Variants in IL17B observed in about 807,000 individuals in gnomAD.
IL17B encodes interleukin-17B.
Under a neutral mutation model 14.7 loss-of-function variants are expected in IL17B, and 14 were observed. The observed-to-expected ratio is 0.95, with a 90% CI of 0.63 to 1.49. The LOEUF is 1.49. IL17B is among the 40% of genes most tolerant of loss of function. IL17B has a pLI of 0.00. For missense variants in IL17B, 233 were observed against 252.8 expected, an observed-to-expected ratio of 0.92 and a Z score of 0.53; for synonymous variants, 105 against 94.8, an observed-to-expected ratio of 1.11 and a Z score of -0.62.
intron 1 of IL17B, among the ~76,000 whole-genome samples, chr5:149,391,593 C>T (rs992986957): frequency 1.3e-5 from 2 of 152,198 alleles, no homozygotes; most frequent in Non-Finnish European, 2.9e-5. Flanking sequence ...ATTTGGGCTC[C>T]TGTCTCTGAG....
chr5:149,390,217 A>ACCCCCC (rs369377689), intron 1 of IL17B, among the ~76,000 whole-genome samples: 2 of 130,704 alleles, frequency 1.5e-5, no homozygotes, highest in Non-Finnish European at 3.4e-5. Context: ...GGTATTAGTG[A>ACCCCCC]CCCCCCCCCT....
At chr5:149,401,064 T>C (rs1224507465) in intron 1 of IL17B, among the ~76,000 whole-genome samples, 1 of 152,230 alleles carries the variant, frequency 6.6e-6, no homozygotes, top group African/African-American at 2.4e-5. Flanking sequence ...GGGCATCCCA[T>C]AGCCCAATCA....
At chr5:149,391,689 A>C (rs1758967865) in intron 1 of IL17B, among the ~76,000 whole-genome samples, 2 of 152,140 alleles carry the variant, frequency 1.3e-5, no homozygotes, top group South Asian at 4.1e-4. Flanking sequence ...GCAATTCTGG[A>C]AGCATGGCAG....
chr5:149,377,210 C>A (rs1031814254), intron 1 of IL17B, among the ~76,000 whole-genome samples, 185 bp from the exon 2 acceptor site: 2 of 152,196 alleles, frequency 1.3e-5, no homozygotes, highest in Non-Finnish European at 2.9e-5. Context: ...TGTGTTCCAG[C>A]CTCTGGTCTT....
chr5:149,403,661 T>C (rs559267570), intron 1 of IL17B, among the ~76,000 whole-genome samples: 4 of 152,230 alleles, frequency 2.6e-5, no homozygotes, highest in African/African-American at 9.6e-5. Flanking sequence ...GGGTTGGAGA[T>C]TAGGGACAGG....
intron 1 of IL17B, among the ~76,000 whole-genome samples, chr5:149,399,563 C>A (rs981058624): frequency 6.6e-6 from 1 of 151,874 alleles, no homozygotes; most frequent in Non-Finnish European, 1.5e-5. Context: ...AACAAATTTA[C>A]GAAGTTAGTT....
chr5:149,402,798 T>C (rs1759234863), intron 1 of IL17B, among the ~76,000 whole-genome samples: 1 of 150,870 alleles, frequency 6.6e-6, no homozygotes, highest in Non-Finnish European at 1.5e-5. Flanking sequence ...GGTCAGGAGA[T>C]CAAGACCATC....
At chr5:149,393,913 C>G (rs368136889) in intron 1 of IL17B, among the ~76,000 whole-genome samples, 4 of 152,162 alleles carry the variant, frequency 2.6e-5, no homozygotes, top group Non-Finnish European at 5.9e-5. Context: ...GATCATAATC[C>G]TGCAAGACAC....
chr5:149,391,965 C>T (rs1758977835), intron 1 of IL17B, among the ~76,000 whole-genome samples: 1 of 152,196 alleles, frequency 6.6e-6, no homozygotes, highest in Non-Finnish European at 1.5e-5. Flanking sequence ...TGCCCTCTTC[C>T]CCAGCTTCTC....
intron 1 of IL17B, among the ~76,000 whole-genome samples, chr5:149,397,119 T>C (rs1349805203): frequency 6.6e-6 from 1 of 152,248 alleles, no homozygotes; most frequent in Non-Finnish European, 1.5e-5. Flanking sequence ...TACTCGGCCA[T>C]TGCAATTAAG....
In IL17B at chr5:149,374,408, G is replaced by C; in HGVS notation, c.504C>G (p.Val168=). The C allele has an allele frequency of 3.1e-6, 5 of 1,601,914 alleles. No individual in the cohort carries two copies. In the South Asian group the frequency reaches 5.5e-5, roughly 18 times the overall value. ...TGCAGCCCACAGCGATGGTCTCCAT[G>C]ACTGCGCGCTGGCGGCAAGGCCCTG... ...PRTGPCRQRA[V]METIAVGCTC... is the part of the protein sequence containing the mutation. Residue 168 remains valine (V), a synonymous_variant, in exon 3 of 3, where the codon GTC becomes GTG. Transcript: ENST00000261796. The surrounding 1 kb of genome is among the most constrained non-coding windows in gnomAD (Gnocchi z 5.0).
In IL17B at chr5:149,399,774, C is replaced by T. The variant is rs572169218; in HGVS notation, n.95+4334G>A. 9.9e-4 allele frequency among the ~76,000 whole-genome samples: 151 copies of T among 152,234 alleles called. 1 individual carries two copies. Among genetic ancestry groups the T allele is most frequent in the African/African-American group, 3.4e-3 (142 of 41,528 alleles). Reference sequence around the variant, plus strand: ...GAGGACAGTGTTGTTTCTAATACCCCAGGTGCATGTGCTCAGTGGCAGGAA... The same window carrying T: ...GAGGACAGTGTTGTTTCTAATACCCTAGGTGCATGTGCTCAGTGGCAGGAA... On this transcript the variant is annotated intron_variant and non_coding_transcript_variant, in intron 1 of 2. Coordinates refer to the IL17B transcript ENST00000505432.
chr5:149,402,786 A>G lies in IL17B; in HGVS notation n.95+1322T>C, dbSNP rs1429520095. Among the ~76,000 whole-genome samples, 6 of 151,256 alleles carry G rather than the reference A, an allele frequency of 4.0e-5. No individual in the cohort carries two copies. The East Asian group carries it at 9.7e-4, about 24-fold the overall frequency. On this transcript the variant is annotated intron_variant and non_coding_transcript_variant, in intron 1 of 2. Coordinates refer to the IL17B transcript ENST00000505432. The stretch of plus-strand genomic sequence containing the variant: ...TGAGAGGCCGAGGCGGGCGGATCAC[A>G]AGGTCAGGAGATCAAGACCATCCTG...
intron 1 of IL17B, among the ~76,000 whole-genome samples, chr5:149,390,622 C>CAG (rs1328626777): frequency 2.7e-5 from 4 of 145,562 alleles, no homozygotes; most frequent in African/African-American, 1.1e-4. Context: ...CACACACACA[C>CAG]ACACACACAG....
chr5:149,392,421 A>G (rs959203668), intron 1 of IL17B, among the ~76,000 whole-genome samples: 2 of 152,262 alleles, frequency 1.3e-5, no homozygotes, highest in Non-Finnish European at 2.9e-5. Context: ...CCGCTGTAGA[A>G]TGATACACTC....
intron 1 of IL17B, among the ~76,000 whole-genome samples, chr5:149,384,580 C>T (rs1185121784): frequency 6.6e-6 from 1 of 152,194 alleles, no homozygotes; most frequent in Non-Finnish European, 1.5e-5. Flanking sequence ...TCACCTTGGG[C>T]AAGTGACCTA....
At chr5:149,394,502 G>A (rs1198275052) in intron 1 of IL17B, among the ~76,000 whole-genome samples, 3 of 152,200 alleles carry the variant, frequency 2.0e-5, no homozygotes, top group South Asian at 2.1e-4. Context: ...CAAAGTCCAC[G>A]TTGTGATAAT....
At chr5:149,400,229 A>T (rs1759179862) in intron 1 of IL17B, among the ~76,000 whole-genome samples, 1 of 152,126 alleles carries the variant, frequency 6.6e-6, no homozygotes, top group Admixed American at 6.5e-5. Context: ...ACCTTTGGAA[A>T]CAGCACACAC....
At chr5:149,376,683 A>G in intron 2 of IL17B, 53 bp downstream of exon 2, 4 of 1,543,368 alleles carry the variant, frequency 2.6e-6, no homozygotes, top group Non-Finnish European at 3.5e-6. Context: ...TGACTGGGGC[A>G]CAGGAAAGGT....
Sources: gnomAD v4.1 joint callset for allele counts (sites outside exome capture counted in the v4.1 genomes callset) on GRCh38, gnomAD v4.1.1 for gene constraint, Gnocchi (gnomAD v3.1) non-coding constraint, MANE v1.5 for transcripts, NCBI Gene and HGNC (gene_info 2026-07-23, HGNC 2026-07-21) for gene names.